Variants in GPC3 observed in about 807,000 individuals in gnomAD.
GPC3 encodes glypican 3.
GPC3 carries 3 observed loss-of-function variants against 34.4 expected under a neutral mutation model. The ratio of observed to expected loss-of-function variants is 0.09; its 90% CI spans 0.04 to 0.23. The LOEUF is 0.23. Among genes scored for constraint, GPC3 ranks in the 10% least tolerant of loss-of-function variants. GPC3 has a pLI of 1.00. For missense variants in GPC3, 351 were observed against 445.6 expected, an observed-to-expected ratio of 0.79 and a Z score of 1.91; for synonymous variants, 177 against 174.0, an observed-to-expected ratio of 1.02 and a Z score of -0.13.
At chrX:133,760,811 A>C (rs1358085017) in intron 2 of GPC3, among the ~76,000 whole-genome samples, 1 of 112,012 alleles carries the variant, frequency 8.9e-6, no homozygotes, top group East Asian at 2.8e-4. Context: ...ATATTGGTTC[A>C]TTAATCATAA....
At chrX:133,629,891 C>A (rs1325549897) in intron 6 of GPC3, among the ~76,000 whole-genome samples, 3 of 108,865 alleles carry the variant, frequency 2.8e-5, no homozygotes, top group Non-Finnish European at 1.9e-5. Context: ...CCTGCCTCTA[C>A]TAAAAATACA....
At position 133,535,830 on chromosome X, in the gene GPC3, T is replaced by G; in HGVS notation, c.*294A>C. 1 of 324,476 alleles carries G rather than the reference T, an allele frequency of 3.1e-6. No individual in the cohort carries two copies. The highest frequency in any genetic ancestry group is 5.4e-6 in the Non-Finnish European group (1 of 185,632). The allele number at this position is 324,476 out of a possible 1,213,427, so 26.7% of individuals were successfully genotyped here. A position where few individuals can be genotyped will look rare whatever the true frequency, so the allele number is the denominator to read the frequency against. The stretch of plus-strand genomic sequence containing the variant: ...AGGGAGGGAGTGAGAGAGAAAGACA[T>G]GGTAACCATGTTCTAGCAGCCAAAC... On this transcript the variant is annotated 3_prime_UTR_variant, in exon 8 of 8. Transcript: ENST00000370818.
intron 2 of GPC3, among the ~76,000 whole-genome samples, chrX:133,843,378 C>T (rs1261776116): frequency 9.0e-6 from 1 of 111,200 alleles, no homozygotes; most frequent in East Asian, 2.8e-4. Flanking sequence ...GAGCCTGACA[C>T]CTCTACCTCT....
intron 3 of GPC3, among the ~76,000 whole-genome samples, chrX:133,737,733 G>A (rs1409897545): frequency 1.8e-5 from 2 of 111,369 alleles, no homozygotes; most frequent in East Asian, 5.7e-4. Flanking sequence ...CGTGTAAGAT[G>A]AGGTATACTA....
intron 7 of GPC3, among the ~76,000 whole-genome samples, chrX:133,561,002 C>G (rs1015617631): frequency 9.0e-6 from 1 of 111,278 alleles, no homozygotes; most frequent in Non-Finnish European, 1.9e-5. Flanking sequence ...AAGCAAAAGG[C>G]CTGTCTTACT....
At chrX:133,645,162 C>T (rs1216804163) in intron 6 of GPC3, among the ~76,000 whole-genome samples, 1 of 111,362 alleles carries the variant, frequency 9.0e-6, no homozygotes, top group Non-Finnish European at 1.9e-5. Flanking sequence ...TAGATGTCCC[C>T]CACACAGACA....
At chrX:133,768,974 GAAAAT>G (rs2071883787) in intron 2 of GPC3, among the ~76,000 whole-genome samples, 1 of 110,553 alleles carries the variant, frequency 9.0e-6, no homozygotes, top group Admixed American at 9.7e-5. Flanking sequence ...AGAAAGAAAA[GAAAAT>G]GTTACACGCA....
intron 2 of GPC3, among the ~76,000 whole-genome samples, chrX:133,878,383 C>T (rs1467218248): frequency 9.0e-6 from 1 of 110,629 alleles, no homozygotes; most frequent in South Asian, 3.9e-4. Context: ...GCTGAGATCA[C>T]GCCATTGCAC....
chrX:133,556,513 T>C (rs1450804700), intron 7 of GPC3, among the ~76,000 whole-genome samples: 1 of 109,918 alleles, frequency 9.1e-6, no homozygotes, highest in African/African-American at 3.3e-5. Flanking sequence ...GTTTCTCATT[T>C]CTCCCTGTAT....
intron 2 of GPC3, among the ~76,000 whole-genome samples, chrX:133,762,415 C>T (rs2071802025): frequency 1.8e-5 from 2 of 112,080 alleles, no homozygotes; most frequent in Admixed American, 1.9e-4. Context: ...AAACTGTCAG[C>T]AGAGTGAACA....
chrX:133,703,460 G>GTTT (rs746837604), intron 3 of GPC3, among the ~76,000 whole-genome samples: 20 of 95,659 alleles, frequency 2.1e-4, no homozygotes, highest in African/African-American at 6.5e-4. Context: ...AGGCCAGGAA[G>GTTT]TTTTTTTTTT....
intron 5 of GPC3, among the ~76,000 whole-genome samples, chrX:133,664,102 G>GA (rs1232524898): frequency 4.5e-5 from 5 of 111,267 alleles, no homozygotes; most frequent in Admixed American, 1.9e-4. Flanking sequence ...TTAAACTAAG[G>GA]AAAAAAAATC....
intron 2 of GPC3, among the ~76,000 whole-genome samples, chrX:133,916,523 C>G (rs945824014): frequency 9.0e-6 from 1 of 111,345 alleles, no homozygotes; most frequent in African/African-American, 3.3e-5. Flanking sequence ...CTGTCTAACC[C>G]CCCCATAGGG....
intron 2 of GPC3, among the ~76,000 whole-genome samples, chrX:133,794,076 C>T (rs1292786131): frequency 8.9e-6 from 1 of 112,176 alleles, no homozygotes; most frequent in African/African-American, 3.2e-5. Context: ...AATAATTCCA[C>T]AGAGAATTTG....
intron 2 of GPC3, among the ~76,000 whole-genome samples, chrX:133,834,780 G>A (rs926351733): frequency 8.9e-6 from 1 of 111,914 alleles, no homozygotes; most frequent in Admixed American, 9.5e-5. Context: ...CATTTTAACA[G>A]GGTTATTGTT....
At chrX:133,859,346 T>C (rs1207902333) in intron 2 of GPC3, among the ~76,000 whole-genome samples, 2 of 110,975 alleles carry the variant, frequency 1.8e-5, no homozygotes, top group Non-Finnish European at 3.8e-5. Flanking sequence ...GGCAGAGCTA[T>C]TAGGACCTGA....
intron 3 of GPC3, among the ~76,000 whole-genome samples, chrX:133,751,830 T>C (rs1417020220): frequency 1.8e-5 from 2 of 112,256 alleles, no homozygotes; most frequent in Non-Finnish European, 3.8e-5. Context: ...CAGTAGAGTG[T>C]CTACAGTGTA....
intron 7 of GPC3, among the ~76,000 whole-genome samples, chrX:133,562,072 C>T (rs765944548): frequency 8.9e-6 from 1 of 112,335 alleles, no homozygotes; most frequent in South Asian, 3.7e-4. Flanking sequence ...TTTCAAGCCA[C>T]AGTACATAAA....
chrX:133,890,483 C>T (rs972219462), intron 2 of GPC3, among the ~76,000 whole-genome samples: 1 of 110,413 alleles, frequency 9.1e-6, no homozygotes, highest in Admixed American at 9.8e-5. Flanking sequence ...TTTGGGAGGC[C>T]AAGGCAGGAG....
Sources: allele counts gnomAD v4.1 joint callset (sites outside exome capture counted in the v4.1 genomes callset), GRCh38; gene constraint gnomAD v4.1.1; transcripts MANE v1.5; gene names NCBI Gene and HGNC (gene_info 2026-07-23, HGNC 2026-07-21).